The following SNX6 variants were observed in gnomAD, a reference collection of about 807,000 sequenced individuals.
SNX6 encodes the protein sorting nexin 6, also known as sorting nexin-6.
Under a neutral mutation model 63.0 loss-of-function variants are expected in SNX6, and 34 were observed. The observed-to-expected ratio is 0.54, with a 90% CI of 0.41 to 0.72. SNX6 has a LOEUF of 0.72. Ranked by LOEUF, SNX6 falls within the 30% of genes least tolerant of loss-of-function variation. The pLI, the probability that SNX6 is intolerant of heterozygous loss-of-function variation, is 0.00. For synonymous variants in SNX6, 170 were observed against 164.2 expected (o/e 1.04, Z -0.27); for missense variants, 398 against 471.4 (o/e 0.84, Z 1.44).
chr14:34,630,038 C>G, intron 1 of SNX6, 73 bp downstream of exon 1: 1 of 1,440,224 alleles, frequency 6.9e-7, no homozygotes. Flanking sequence ...CAGGCTGGCG[C>G]GGTCCCCGCG....
chr14:34,610,889 T>A (rs1345716854), intron 2 of SNX6, among the ~76,000 whole-genome samples: 1 of 152,206 alleles, frequency 6.6e-6, no homozygotes, highest in Non-Finnish European at 1.5e-5. Context: ...ACCTGGTCAT[T>A]AGTATCTCAA....
At chr14:34,572,495 A>T (rs1881490018) in intron 11 of SNX6, among the ~76,000 whole-genome samples, 1 of 152,192 alleles carries the variant, frequency 6.6e-6, no homozygotes, top group Non-Finnish European at 1.5e-5. Context: ...TTTGATATGA[A>T]CAGTGTATTT....
intron 8 of SNX6, among the ~76,000 whole-genome samples, chr14:34,591,147 G>C (rs554131641): frequency 6.6e-6 from 1 of 151,870 alleles, no homozygotes; most frequent in African/African-American, 2.4e-5. Flanking sequence ...TTGTGGTAAG[G>C]ATTTCACACA....
At chr14:34,610,268 G>C (rs1444730569) in intron 2 of SNX6, among the ~76,000 whole-genome samples, 2 of 143,590 alleles carry the variant, frequency 1.4e-5, no homozygotes, top group East Asian at 2.1e-4. Context: ...TGAGGCAGAA[G>C]GCTTGCTTGA....
chr14:34,575,266 T>C (rs1566467309), intron 11 of SNX6, among the ~76,000 whole-genome samples: 1 of 149,794 alleles, frequency 6.7e-6, no homozygotes, highest in Non-Finnish European at 1.5e-5. Context: ...TGGCACGCGA[T>C]CTCAGCTCAC....
rs188061832 is a variant in SNX6 at position 34,628,635 on chromosome 14, C to T, written c.54+1272G>A. On this transcript the variant is annotated intron_variant, in intron 2 of 13. Coordinates refer to ENST00000362031, the MANE Select transcript of SNX6 (RefSeq NM_152233.4). ...CAAAGGGAGATACTGTCTCATAAAA[C>T]CAAATAAATAAATAAAAGTTTTATA... Among the ~76,000 whole-genome samples the T allele has an allele frequency of 3.9e-4, 59 of 152,250 alleles. No homozygotes were observed. The East Asian group carries it at 0.011, about 29-fold the overall frequency.
intron 5 of SNX6, among the ~76,000 whole-genome samples, chr14:34,605,272 T>C (rs1327170324): frequency 6.6e-6 from 1 of 152,142 alleles, no homozygotes; most frequent in Admixed American, 6.5e-5. Flanking sequence ...TCATGTTCTC[T>C]ATTTCTTTTT....
intron 2 of SNX6, among the ~76,000 whole-genome samples, chr14:34,622,585 A>G (rs919457399): frequency 1.3e-5 from 2 of 151,754 alleles, no homozygotes; most frequent in African/African-American, 4.8e-5. Flanking sequence ...AAAAAAAAAA[A>G]AAAAGATTCC....
chr14:34,620,994 G>A (rs1235832755), intron 2 of SNX6, among the ~76,000 whole-genome samples: 1 of 152,080 alleles, frequency 6.6e-6, no homozygotes, highest in Non-Finnish European at 1.5e-5. Flanking sequence ...TGTCACCCAG[G>A]CTGGAATGCA....
chr14:34,585,132 G>A (rs542286381), intron 9 of SNX6, among the ~76,000 whole-genome samples: 2 of 152,216 alleles, frequency 1.3e-5, no homozygotes, highest in African/African-American at 4.8e-5. Flanking sequence ...GATTACTGGC[G>A]TGAGCCACCA....
At chr14:34,613,492 T>C (rs1476225180) in intron 2 of SNX6, among the ~76,000 whole-genome samples, 1 of 152,150 alleles carries the variant, frequency 6.6e-6, no homozygotes, top group Non-Finnish European at 1.5e-5. Flanking sequence ...CCTGGTTGCT[T>C]GTTAAAAATA....
intron 2 of SNX6, among the ~76,000 whole-genome samples, chr14:34,626,534 C>T (rs1883832538): frequency 6.6e-6 from 1 of 151,408 alleles, no homozygotes; most frequent in South Asian, 2.1e-4. Context: ...CACGGTCGCG[C>T]ACTCCTGTAG....
intron 6 of SNX6, among the ~76,000 whole-genome samples, chr14:34,599,275 C>A (rs1323741706): frequency 6.6e-6 from 1 of 152,160 alleles, no homozygotes; most frequent in East Asian, 1.9e-4. Context: ...GTAACTGTAA[C>A]CTCACATTAG....
intron 2 of SNX6, among the ~76,000 whole-genome samples, chr14:34,626,524 C>T (rs970210020): frequency 5.9e-5 from 9 of 151,480 alleles, no homozygotes; most frequent in East Asian, 1.9e-4. Context: ...ATTAGCCGGG[C>T]ACGGTCGCGC....
chr14:34,609,808 GA>G, intron 2 of SNX6, 66 bp from the exon 3 acceptor site: 1 of 1,136,312 alleles, frequency 8.8e-7, no homozygotes, highest in Non-Finnish European at 1.3e-6. Flanking sequence ...TTTCTCTTAA[GA>G]CAATGCAAAA....
chr14:34,584,986 G>A (rs1214770604), intron 9 of SNX6, among the ~76,000 whole-genome samples: 1 of 151,912 alleles, frequency 6.6e-6, no homozygotes, highest in Non-Finnish European at 1.5e-5. Flanking sequence ...CCAAGTAGCT[G>A]GGATTACAGA....
At chr14:34,594,368 T>C (rs773732158) in intron 7 of SNX6, among the ~76,000 whole-genome samples, 1 of 151,892 alleles carries the variant, frequency 6.6e-6, no homozygotes, top group Non-Finnish European at 1.5e-5. Context: ...ATTATTATTA[T>C]CTTCAGACAG....
intron 8 of SNX6, among the ~76,000 whole-genome samples, chr14:34,592,108 C>T (rs1237714089): frequency 1.3e-5 from 2 of 152,180 alleles, no homozygotes; most frequent in Non-Finnish European, 2.9e-5. Context: ...TTGCAAGTGG[C>T]CAGGTGCGGT....
rs573129942 is a variant in SNX6, at chr14:34,589,004, T to C, written c.719-2699A>G. Among the ~76,000 whole-genome samples the C allele has an allele frequency of 2.0e-5, 3 of 151,972 alleles. No homozygotes were observed. In the South Asian group the frequency reaches 6.2e-4, roughly 32 times the overall value. On this transcript the variant is annotated intron_variant, in intron 8 of 13. Coordinates refer to ENST00000362031, the MANE Select transcript of SNX6 (RefSeq NM_152233.4). ...CAAAAATTAGCCAGGTGTGGTAGCA[T>C]GCATCTGTAGTCCCAGCTGCTCGGG...
Sources: allele counts gnomAD v4.1 joint callset (sites outside exome capture counted in the v4.1 genomes callset), GRCh38; gene constraint gnomAD v4.1.1; transcripts MANE v1.5; gene names NCBI Gene and HGNC (gene_info 2026-07-23, HGNC 2026-07-21).